CMTM4: variants seen among roughly 807,000 people sequenced by gnomAD.
CMTM4 encodes CKLF-like MARVEL transmembrane domain-containing protein 4.
A neutral mutation model predicts 19.0 loss-of-function variants in CMTM4; 8 were observed. That is an observed-to-expected ratio of 0.42 (90% CI 0.25 to 0.76). The LOEUF (loss-of-function observed/expected upper bound fraction) is 0.76. Ranked by LOEUF, CMTM4 falls within the 30% of genes least tolerant of loss-of-function variation. CMTM4 has a pLI of 0.27. For synonymous variants in CMTM4, 106 were observed against 121.1 expected (o/e 0.88, Z 0.82); for missense variants, 228 against 290.2 (o/e 0.79, Z 1.56).
chr16:66,613,046 A>C (rs971994175), downstream of CMTM4: 1 of 702,970 alleles, frequency 1.4e-6, no homozygotes, highest in East Asian at 2.7e-5. Context: ...AAACCATGAC[A>C]GGGCTGCCCC....
downstream of CMTM4, among the ~76,000 whole-genome samples, chr16:66,614,590 A>T (rs1431162607): frequency 6.6e-6 from 1 of 152,206 alleles, no homozygotes; most frequent in African/African-American, 2.4e-5. This position sits in a 1 kb window ranked among gnomAD's most constrained non-coding sequence, Gnocchi z 4.9. Flanking sequence ...TCCACCTTGT[A>T]AGCCCTGGCA....
chr16:66,633,772 C>G (rs140229225), intron 2 of CMTM4, among the ~76,000 whole-genome samples: 3 of 150,618 alleles, frequency 2.0e-5, no homozygotes, highest in African/African-American at 7.3e-5. Context: ...GAGCCGAGAT[C>G]GCACCACTGC....
At chr16:66,674,668 G>C (rs1423234778) in intron 1 of CMTM4, among the ~76,000 whole-genome samples, 3 of 151,092 alleles carry the variant, frequency 2.0e-5, no homozygotes. Context: ...CCGTCATTTG[G>C]TGTTGAATAC....
intron 1 of CMTM4, among the ~76,000 whole-genome samples, chr16:66,680,518 T>C (rs2016891072): frequency 6.7e-6 from 1 of 149,962 alleles, no homozygotes; most frequent in Non-Finnish European, 1.5e-5. Flanking sequence ...CTCATGCCTG[T>C]AATCCCAGCG....
intron 1 of CMTM4, among the ~76,000 whole-genome samples, chr16:66,674,138 G>A (rs2016761947): frequency 6.6e-6 from 1 of 152,234 alleles, no homozygotes; most frequent in African/African-American, 2.4e-5. Flanking sequence ...ATGCAGTTGG[G>A]TCACAGTCTG....
At chr16:66,604,946 C>A in the CMTM4 span, 1 of 1,504,876 alleles carries the variant, frequency 6.6e-7, no homozygotes, top group Non-Finnish European at 8.8e-7. Flanking sequence ...TCCTGCTGGC[C>A]GAGTCGGTGA....
intron 1 of CMTM4, among the ~76,000 whole-genome samples, chr16:66,689,020 T>A (rs1567435069): frequency 6.6e-6 from 1 of 152,220 alleles, no homozygotes; most frequent in Non-Finnish European, 1.5e-5. Context: ...AACTCACTTA[T>A]TAGTTCTAGG....
At chr16:66,655,001 G>A (rs887270597) in intron 1 of CMTM4, among the ~76,000 whole-genome samples, 36 of 151,924 alleles carry the variant, frequency 2.4e-4, no homozygotes, top group Middle Eastern at 3.4e-3. Context: ...TTTGGGTTTC[G>A]GGGGGCTTTT....
chr16:66,664,729 A>C (rs1180220355), intron 1 of CMTM4, among the ~76,000 whole-genome samples: 1 of 152,226 alleles, frequency 6.6e-6, no homozygotes, highest in Non-Finnish European at 1.5e-5. Flanking sequence ...AAATATTCAA[A>C]GACTCCAAAA....
At chr16:66,694,347 T>C (rs1160088270) in intron 1 of CMTM4, among the ~76,000 whole-genome samples, 1 of 152,128 alleles carries the variant, frequency 6.6e-6, no homozygotes, top group African/African-American at 2.4e-5. Flanking sequence ...TCTTTTCTTA[T>C]TCATTTCTAA....
intron 1 of CMTM4, among the ~76,000 whole-genome samples, chr16:66,683,202 T>TATATACGTATATATATATAC (rs1567432399): frequency 1.2e-4 from 17 of 137,170 alleles, no homozygotes; most frequent in Admixed American, 1.1e-3. Context: ...TACATATATA[T>TATATACGTATATATATATAC]ATATATATAA....
the CMTM4 span, chr16:66,605,176 C>A: frequency 2.4e-6 from 1 of 421,560 alleles, no homozygotes; most frequent in South Asian, 4.2e-5. This position sits in a 1 kb window ranked among gnomAD's most constrained non-coding sequence, Gnocchi z 4.6. Flanking sequence ...GCGGCGCTGT[C>A]CCCGCGAGTC....
chr16:66,647,683 A>C (rs1435687641), intron 1 of CMTM4, among the ~76,000 whole-genome samples: 5 of 152,070 alleles, frequency 3.3e-5, no homozygotes, highest in Non-Finnish European at 5.9e-5. Flanking sequence ...AACACCAGAG[A>C]ACCTAACTTC....
At chr16:66,630,292 C>T in intron 2 of CMTM4, among the ~76,000 whole-genome samples, 1 of 126,314 alleles carries the variant, frequency 7.9e-6, no homozygotes, top group Admixed American at 7.8e-5. Flanking sequence ...TTCCCTCTCC[C>T]TCTCCCCCTC....
intron 1 of CMTM4, among the ~76,000 whole-genome samples, chr16:66,683,232 T>C (rs1206024399): frequency 7.0e-6 from 1 of 141,924 alleles, no homozygotes; most frequent in Non-Finnish European, 1.5e-5. Context: ...ATGGATTCCA[T>C]GTTTTCAAAA....
the CMTM4 span, chr16:66,609,495 G>C: frequency 1.2e-6 from 2 of 1,610,072 alleles, no homozygotes; most frequent in Non-Finnish European, 1.7e-6. This position sits in a 1 kb window ranked among gnomAD's most constrained non-coding sequence, Gnocchi z 4.4. Context: ...CACGGCCATC[G>C]CCAAGTACTC....
Position 66,696,185 on chromosome 16 carries a change from CAG to C in CMTM4, c.186+153_186+154del, listed in dbSNP as rs1189780184. ...AAGGCGGGGTCCCCAGAGAAGGCTG[CAG>C]AGTGGTCCCGGGACCCCACGAGGGA... On this transcript the variant is annotated intron_variant, in intron 1 of 3. Transcript: ENST00000394106. This position sits in a 1 kb window ranked among gnomAD's most constrained non-coding sequence, Gnocchi z 4.3. 6.6e-6 allele frequency among the ~76,000 whole-genome samples: 1 copy of C among 152,132 alleles called. No homozygotes were observed. Among genetic ancestry groups the C allele is most frequent in the African/African-American group, 2.4e-5 (1 of 41,460 alleles).
At chr16:66,612,711 TG>T (rs2015427541), downstream of CMTM4, 9 of 1,467,408 alleles carry the variant, frequency 6.1e-6, no homozygotes, top group South Asian at 8.1e-5. The surrounding 1 kb of genome is among the most constrained non-coding windows in gnomAD (Gnocchi z 6.0). Flanking sequence ...TCGCTGGCGT[TG>T]GAGCGGAGGC....
the CMTM4 span, among the ~76,000 whole-genome samples, chr16:66,606,817 A>G: frequency 6.6e-6 from 1 of 152,106 alleles, no homozygotes; most frequent in African/African-American, 2.4e-5. Context: ...GCATGGTGAA[A>G]CCCTGTCTCT....
Sources: gnomAD v4.1 joint callset for allele counts (sites outside exome capture counted in the v4.1 genomes callset) on GRCh38, gnomAD v4.1.1 for gene constraint, Gnocchi (gnomAD v3.1) non-coding constraint, MANE v1.5 for transcripts, NCBI Gene and HGNC (gene_info 2026-07-23, HGNC 2026-07-21) for gene names.